ACSL1: variants seen among roughly 807,000 people sequenced by gnomAD.
The protein encoded by ACSL1 is long-chain-fatty-acid--CoA ligase 1.
A neutral mutation model predicts 98.4 loss-of-function variants in ACSL1; 41 were observed. The ratio of observed to expected loss-of-function variants is 0.42; its 90% CI spans 0.32 to 0.54. The LOEUF (loss-of-function observed/expected upper bound fraction) is 0.54. ACSL1 is among the 20% of genes least tolerant of loss of function. The probability of loss-of-function intolerance (pLI) is 0.13; values close to 1 mark genes in which losing one functional copy is unlikely to be tolerated. For synonymous variants in ACSL1, 316 were observed against 322.7 expected, an observed-to-expected ratio of 0.98 and a Z score of 0.22; for missense variants, 734 against 883.1, an observed-to-expected ratio of 0.83 and a Z score of 2.14.
intron 1 of ACSL1, among the ~76,000 whole-genome samples, chr4:184,806,244 CA>C (rs1443483431): frequency 6.6e-6 from 1 of 152,188 alleles, no homozygotes; most frequent in Non-Finnish European, 1.5e-5. Context: ...GCGGGATAAG[CA>C]GACAAATCAA....
At chr4:184,775,539 G>A (rs887657400) in intron 7 of ACSL1, among the ~76,000 whole-genome samples, 1 of 152,110 alleles carries the variant, frequency 6.6e-6, no homozygotes, top group Non-Finnish European at 1.5e-5. Context: ...GAAGCACCCG[G>A]GTCAGCACTT....
intron 1 of ACSL1, among the ~76,000 whole-genome samples, chr4:184,814,457 A>C (rs531727302): frequency 6.6e-6 from 1 of 152,242 alleles, no homozygotes; most frequent in South Asian, 2.1e-4. Flanking sequence ...CCTAATACCC[A>C]AAACCCCCAG....
chr4:184,825,251 G>A lies in ACSL1; in HGVS notation c.-33+665C>T. 3 of 985,382 alleles carry A rather than the reference G, an allele frequency of 3.0e-6. No homozygotes were observed. The highest frequency in any genetic ancestry group is 3.6e-6 in the Non-Finnish European group (3 of 829,912). The allele number at this position is 985,382 out of a possible 1,614,324, so 61.0% of individuals were successfully genotyped here. A position where few individuals can be genotyped will look rare whatever the true frequency, so the allele number is the denominator to read the frequency against. ...CCACTCTCCGTCTACGCTGCCAGGTGACAGACATCATCTTTGCTTCTCAAT... is the reference window on the plus strand; with the variant it reads ...CCACTCTCCGTCTACGCTGCCAGGTAACAGACATCATCTTTGCTTCTCAAT... On this transcript the variant is annotated intron_variant, in intron 1 of 20. Transcript: ENST00000281455. This position sits in a 1 kb window ranked among gnomAD's most constrained non-coding sequence, Gnocchi z 4.7.
At chr4:184,775,083 G>A (rs925714385) in intron 7 of ACSL1, among the ~76,000 whole-genome samples, 2 of 152,106 alleles carry the variant, frequency 1.3e-5, no homozygotes, top group Non-Finnish European at 2.9e-5. Flanking sequence ...CCAAATTAGT[G>A]CACTGTTGCC....
At chr4:184,810,462 C>T (rs763284499) in intron 1 of ACSL1, among the ~76,000 whole-genome samples, 4 of 152,246 alleles carry the variant, frequency 2.6e-5, no homozygotes, top group Middle Eastern at 3.4e-3. Context: ...AATTAAAAGA[C>T]ATAACATAAA....
At chr4:184,816,264 G>A (rs1772627040) in intron 1 of ACSL1, among the ~76,000 whole-genome samples, 1 of 152,170 alleles carries the variant, frequency 6.6e-6, no homozygotes, top group Admixed American at 6.6e-5. Context: ...CCTCAGTGGT[G>A]TTGGAGGAAG....
chr4:184,795,519 T>C (rs1769205650), intron 2 of ACSL1, among the ~76,000 whole-genome samples: 1 of 152,206 alleles, frequency 6.6e-6, no homozygotes, highest in Non-Finnish European at 1.5e-5. Context: ...TTTTTAAATA[T>C]AACAATCAAC....
At position 184,768,238 on chromosome 4, in the gene ACSL1, T is replaced by C. The variant is rs918702775; in HGVS notation, c.1128+78A>G. 4.1e-6 allele frequency: 6 copies of C among 1,470,312 alleles called. No homozygotes were observed. In the African/African-American group the frequency reaches 8.6e-5, roughly 21 times the overall value. 91.1% of individuals were successfully genotyped at this position (1,470,312 alleles called of 1,614,324 possible). A position where few individuals can be genotyped will look rare whatever the true frequency, so the allele number is the denominator to read the frequency against. The stretch of plus-strand genomic sequence containing the variant: ...TGTCCAGGGTCATACAGATGGCACA[T>C]GGCACAGCCCAATTCAAGCCCAAGC... On this transcript the variant is annotated intron_variant, in intron 12 of 20. Transcript: ENST00000281455.
chr4:184,816,653 C>T (rs572594275), intron 1 of ACSL1, among the ~76,000 whole-genome samples: 1 of 152,172 alleles, frequency 6.6e-6, no homozygotes, highest in Admixed American at 6.6e-5. Flanking sequence ...ATTTTATGTA[C>T]CCGTGACTCC....
At position 184,757,927 on chromosome 4, in the gene ACSL1, C is replaced by T. The variant is rs1186107517; in HGVS notation, c.1783-7G>A. On this transcript the variant is annotated splice_region_variant and splice_polypyrimidine_tract_variant and intron_variant, in intron 18 of 20. Transcript: ENST00000281455. This position sits in a 1 kb window ranked among gnomAD's most constrained non-coding sequence, Gnocchi z 4.5. Reference sequence around the variant, plus strand: ...CAATTGCAATGAGAAATGCCTTTAACACAGACAAATGAGTTATTACATAGC... The same window carrying T: ...CAATTGCAATGAGAAATGCCTTTAATACAGACAAATGAGTTATTACATAGC... 1 of 1,612,206 alleles carries T rather than the reference C, an allele frequency of 6.2e-7. No individual in the cohort carries two copies. Among genetic ancestry groups the T allele is most frequent in the Non-Finnish European group, 8.5e-7 (1 of 1,178,422 alleles).
At position 184,760,540 on chromosome 4, in the gene ACSL1, G is replaced by A; in HGVS notation, c.1639-40C>T. 1.9e-6 allele frequency: 3 copies of A among 1,611,136 alleles called. No individual in the cohort carries two copies. In the African/African-American group the frequency reaches 4.0e-5, roughly 22 times the overall value. ...GGAGGGGGTTATGAATGGGCTGATG[G>A]CTGGTTTCCAACCAGGATGGATCCC... is the stretch of plus-strand genomic sequence containing the variant. On this transcript the variant is annotated intron_variant, in intron 17 of 20. Transcript: ENST00000281455.
At chr4:184,772,505 T>C (rs779558853) in intron 10 of ACSL1, among the ~76,000 whole-genome samples, 10 of 152,314 alleles carry the variant, frequency 6.6e-5, no homozygotes, top group Non-Finnish European at 1.2e-4. Flanking sequence ...CTGAATCACA[T>C]CACCCCCTTC....
intron 1 of ACSL1, among the ~76,000 whole-genome samples, chr4:184,820,577 C>T (rs1237885555): frequency 6.6e-6 from 1 of 152,096 alleles, no homozygotes; most frequent in African/African-American, 2.4e-5. Flanking sequence ...TCCTTCCTGT[C>T]TTACTGCCAG....
chr4:184,825,141 G>C lies in ACSL1; in HGVS notation c.-33+775C>G, dbSNP rs983453579. ...CTTGAAATTGGACTGAGTGGGGAAGGGGTTTCCACACTCTCACAACGCACC... is the reference window on the plus strand; with the variant it reads ...CTTGAAATTGGACTGAGTGGGGAAGCGGTTTCCACACTCTCACAACGCACC... On this transcript the variant is annotated intron_variant, in intron 1 of 20. Transcript: ENST00000281455. The surrounding 1 kb of genome is among the most constrained non-coding windows in gnomAD (Gnocchi z 4.7). The C allele has an allele frequency of 8.2e-6, 8 of 971,160 alleles. No homozygotes were observed. The highest frequency in any genetic ancestry group is 9.8e-6 in the Non-Finnish European group (8 of 817,048). The allele number at this position is 971,160 out of a possible 1,614,324, so 60.2% of individuals were successfully genotyped here.
Position 184,776,997 on chromosome 4 carries a change from A to G in ACSL1, c.478-14T>C. On this transcript the variant is annotated splice_polypyrimidine_tract_variant and intron_variant, in intron 5 of 20. Transcript: ENST00000281455. ...AATAATCACCCACTAAACAAACAGTAAAGGTCAGGGAGAGAAAACAGGATG... is the reference window on the plus strand; with the variant it reads ...AATAATCACCCACTAAACAAACAGTGAAGGTCAGGGAGAGAAAACAGGATG... 1.2e-6 allele frequency: 2 copies of G among 1,610,738 alleles called. No homozygotes were observed. The highest frequency in any genetic ancestry group is 1.7e-6 in the Non-Finnish European group (2 of 1,177,072).
intron 14 of ACSL1, among the ~76,000 whole-genome samples, chr4:184,765,127 T>A (rs1763397567): frequency 6.6e-6 from 1 of 152,154 alleles, no homozygotes; most frequent in South Asian, 2.1e-4. Context: ...CACCTTCTAT[T>A]TAACTTCCAG....
At chr4:184,763,386 A>T in intron 15 of ACSL1, 131 bp from the exon 16 acceptor site, 2 of 781,726 alleles carry the variant, frequency 2.6e-6, no homozygotes, top group African/African-American at 3.5e-5. Context: ...CTGCAATTAC[A>T]GCCATTCTCT....
chr4:184,804,434 G>T (rs1188573546), intron 1 of ACSL1, among the ~76,000 whole-genome samples: 1 of 152,084 alleles, frequency 6.6e-6, no homozygotes, highest in Admixed American at 6.6e-5. Context: ...ACAAAAATTA[G>T]CCAGGTGTGG....
At chr4:184,808,606 C>G in intron 1 of ACSL1, 1 of 627,006 alleles carries the variant, frequency 1.6e-6, no homozygotes, top group Non-Finnish European at 2.0e-6. Flanking sequence ...CTTTGTCATT[C>G]ACTAGCTGGG....
Sources: allele counts gnomAD v4.1 joint callset (sites outside exome capture counted in the v4.1 genomes callset), GRCh38; gene constraint gnomAD v4.1.1; non-coding constraint Gnocchi (gnomAD v3.1); transcripts MANE v1.5; gene names NCBI Gene and HGNC (gene_info 2026-07-23, HGNC 2026-07-21).